Variants in ICOS observed in about 807,000 individuals in gnomAD.
ICOS encodes inducible T-cell costimulator.
Under a neutral mutation model 24.6 loss-of-function variants are expected in ICOS, and 15 were observed. The observed-to-expected ratio is 0.61, with a 90% CI of 0.41 to 0.94. ICOS has a LOEUF of 0.94. Among genes scored for constraint, ICOS ranks in the 40% least tolerant of loss-of-function variants. The probability of loss-of-function intolerance (pLI) is 0.00; values close to 1 mark genes in which losing one functional copy is unlikely to be tolerated. For missense variants in ICOS, 200 were observed against 233.0 expected (o/e 0.86, Z 0.92); for synonymous variants, 89 against 77.5 (o/e 1.15, Z -0.78).
intron 2 of ICOS, among the ~76,000 whole-genome samples, 191 bp from the exon 3 acceptor site, chr2:203,956,468 C>A (rs1317648628): frequency 6.6e-6 from 1 of 152,124 alleles, no homozygotes; most frequent in Non-Finnish European, 1.5e-5. Context: ...TATGCATAAT[C>A]TTTTAAGTTT....
intron 1 of ICOS, among the ~76,000 whole-genome samples, chr2:203,952,406 G>A (rs896122229): frequency 2.0e-5 from 3 of 152,062 alleles, no homozygotes; most frequent in Non-Finnish European, 2.9e-5. Flanking sequence ...ACTGTATCAG[G>A]GCTTTTATTG....
At chr2:203,952,583 C>T (rs1168653940) in intron 1 of ICOS, among the ~76,000 whole-genome samples, 10 of 152,106 alleles carry the variant, frequency 6.6e-5, no homozygotes, top group African/African-American at 2.4e-4. Flanking sequence ...TGGGTTCTAA[C>T]TAATTTTTCC....
chr2:203,944,383 A>G (rs995809372), intron 1 of ICOS, among the ~76,000 whole-genome samples: 3 of 152,126 alleles, frequency 2.0e-5, no homozygotes, highest in African/African-American at 7.2e-5. Flanking sequence ...ACCTCCAGAT[A>G]AAGTCGGAAA....
chr2:203,938,497 AG>A (rs1689705370), intron 1 of ICOS, among the ~76,000 whole-genome samples: 1 of 152,220 alleles, frequency 6.6e-6, no homozygotes, highest in South Asian at 2.1e-4. Flanking sequence ...GTCCAAGGTG[AG>A]GCTGGAAAGG....
intron 1 of ICOS, among the ~76,000 whole-genome samples, chr2:203,945,651 T>A (rs1689854730): frequency 6.6e-6 from 1 of 152,162 alleles, no homozygotes; most frequent in African/African-American, 2.4e-5. Context: ...CAGGCCATGG[T>A]AGCACAATGG....
chr2:203,950,974 C>T (rs1251177335), intron 1 of ICOS, among the ~76,000 whole-genome samples: 4 of 151,900 alleles, frequency 2.6e-5, no homozygotes, highest in Non-Finnish European at 2.9e-5. Context: ...GCAGCAGAAT[C>T]GCTTGAACCT....
intron 1 of ICOS, among the ~76,000 whole-genome samples, chr2:203,946,790 TATC>T (rs1488178573): frequency 2.0e-5 from 3 of 152,258 alleles, no homozygotes; most frequent in Admixed American, 6.5e-5. Flanking sequence ...AGCTAACACT[TATC>T]ATTGTTTGAT....
intron 1 of ICOS, among the ~76,000 whole-genome samples, chr2:203,946,868 C>T (rs1007862969): frequency 4.6e-5 from 7 of 152,204 alleles, no homozygotes; most frequent in African/African-American, 1.7e-4. Context: ...ATCTTTCCAT[C>T]ACTCTGAGAC....
At chr2:203,938,329 G>A (rs1471795687) in intron 1 of ICOS, among the ~76,000 whole-genome samples, 3 of 152,144 alleles carry the variant, frequency 2.0e-5, no homozygotes, top group African/African-American at 7.2e-5. Context: ...TGAAGGTAGG[G>A]AAGAACGTTC....
chr2:203,956,052 CAAAT>C, intron 2 of ICOS, 81 bp downstream of exon 2: 3 of 915,512 alleles, frequency 3.3e-6, no homozygotes, highest in Non-Finnish European at 3.4e-6. Flanking sequence ...ATCAATTAGA[CAAAT>C]AAATATCTTT....
chr2:203,959,255 G>T (rs1690128268), intron 4 of ICOS, among the ~76,000 whole-genome samples: 1 of 152,212 alleles, frequency 6.6e-6, no homozygotes, highest in African/African-American at 2.4e-5. Context: ...GCAGTGAAAT[G>T]CAGTGGGGCT....
In ICOS at chr2:203,957,901, G is replaced by A. The variant is rs1281180996; in HGVS notation, c.586+18G>A. On this transcript the variant is annotated intron_variant, in intron 4 of 4. Coordinates refer to ENST00000316386, the MANE Select transcript of ICOS (RefSeq NM_012092.4). ...ACTCACAGGTATGACTCCATTTGGG[G>A]GTTTGGGAAGGGAAGAGGTTTCTTC... 2.0e-6 allele frequency: 3 copies of A among 1,491,132 alleles called. No homozygotes were observed. The highest frequency in any genetic ancestry group is 1.7e-5 in the Admixed American group (1 of 59,794). The allele number at this position is 1,491,132 out of a possible 1,614,324, so 92.4% of individuals were successfully genotyped here. A position where few individuals can be genotyped will look rare whatever the true frequency, so the allele number is the denominator to read the frequency against.
intron 1 of ICOS, among the ~76,000 whole-genome samples, chr2:203,950,964 G>A (rs915152944): frequency 1.8e-4 from 27 of 152,166 alleles, no homozygotes; most frequent in African/African-American, 6.5e-4. Flanking sequence ...GGAAGCTGAG[G>A]CAGCAGAATC....
chr2:203,950,097 T>C (rs915655416), intron 1 of ICOS, among the ~76,000 whole-genome samples: 13 of 152,244 alleles, frequency 8.5e-5, no homozygotes, highest in African/African-American at 3.1e-4. Context: ...TCTTAGTCCA[T>C]TTTCTGTTGC....
intron 4 of ICOS, among the ~76,000 whole-genome samples, chr2:203,958,203 G>C (rs553562407): frequency 6.6e-6 from 1 of 152,060 alleles, no homozygotes; most frequent in African/African-American, 2.4e-5. Flanking sequence ...TTTGTTGAAG[G>C]GTTCATTCAG....
At chr2:203,943,254 G>A (rs939772153) in intron 1 of ICOS, among the ~76,000 whole-genome samples, 5 of 152,056 alleles carry the variant, frequency 3.3e-5, no homozygotes, top group African/African-American at 4.8e-5. Flanking sequence ...ACCAGAGTTG[G>A]TTTTCTGGTT....
intron 2 of ICOS, 75 bp from the exon 3 acceptor site, chr2:203,956,584 A>G: frequency 1.0e-6 from 1 of 983,048 alleles, no homozygotes; most frequent in Non-Finnish European, 1.7e-6. Flanking sequence ...TTGATTAAAT[A>G]GCTCTTTTAA....
At chr2:203,940,244 G>A (rs1212844458) in intron 1 of ICOS, among the ~76,000 whole-genome samples, 1 of 152,182 alleles carries the variant, frequency 6.6e-6, no homozygotes, top group Admixed American at 6.5e-5. Context: ...CCCCCAGACA[G>A]TGCACCCTGC....
intron 1 of ICOS, among the ~76,000 whole-genome samples, chr2:203,938,526 A>G (rs972015720): frequency 2.8e-4 from 43 of 152,230 alleles, no homozygotes; most frequent in African/African-American, 1.0e-3. Flanking sequence ...AGGCCAGACC[A>G]TTCAGACCAT....
Sources: allele counts gnomAD v4.1 joint callset (sites outside exome capture counted in the v4.1 genomes callset), GRCh38; gene constraint gnomAD v4.1.1; transcripts MANE v1.5; gene names NCBI Gene and HGNC (gene_info 2026-07-23, HGNC 2026-07-21).